The following GRAMD4 variants were observed in gnomAD, a reference collection of about 807,000 sequenced individuals.
The protein encoded by GRAMD4 is GRAM domain containing 4, also known as GRAM domain-containing protein 4.
In GRAMD4, 25 loss-of-function variants were observed where a neutral mutation model predicts 83.9. The ratio of observed to expected loss-of-function variants is 0.30; its 90% CI spans 0.22 to 0.42. The LOEUF is 0.42. Among genes scored for constraint, GRAMD4 ranks in the 10% least tolerant of loss-of-function variants. GRAMD4 has a pLI of 1.00. For synonymous variants in GRAMD4, 336 were observed against 320.9 expected (o/e 1.05, Z -0.50); for missense variants, 593 against 788.7 (o/e 0.75, Z 2.97).
chr22:46,597,001 C>T (rs12484110), intron 1 of GRAMD4, among the ~76,000 whole-genome samples: 1 of 152,092 alleles, frequency 6.6e-6, no homozygotes, highest in Admixed American at 6.5e-5. Context: ...CCCTTCTCAG[C>T]GTCCATCCAT....
chr22:46,623,409 A>G (rs1003750042), intron 1 of GRAMD4, among the ~76,000 whole-genome samples: 2 of 151,884 alleles, frequency 1.3e-5, no homozygotes, highest in Non-Finnish European at 2.9e-5. Flanking sequence ...TTTTTTTGAC[A>G]CAGAGTCTCA....
At chr22:46,663,751 T>C in intron 6 of GRAMD4, 87 bp from the exon 7 acceptor site, 5 of 1,345,958 alleles carry the variant, frequency 3.7e-6, no homozygotes, top group South Asian at 3.5e-5. Context: ...CCCTGGCCCC[T>C]GCAGAGCCAA....
chr22:46,598,427 G>A (rs941701440), intron 1 of GRAMD4, among the ~76,000 whole-genome samples: 3 of 152,196 alleles, frequency 2.0e-5, no homozygotes, highest in African/African-American at 7.2e-5. Flanking sequence ...GCACCTCGGT[G>A]TTTGTTGCCA....
rs1174723087 is a variant in GRAMD4 at position 46,679,093 on chromosome 22, A to C, written c.*1842A>C. Reference sequence around the variant, plus strand: ...GGCAACACAGGGTGGGCACTGACCCACCCCCAGGGGCGGCTGCAGAGGCAG... The same window carrying C: ...GGCAACACAGGGTGGGCACTGACCCCCCCCCAGGGGCGGCTGCAGAGGCAG... On this transcript the variant is annotated 3_prime_UTR_variant, in exon 19 of 19. Coordinates refer to ENST00000406902, the MANE Select transcript of GRAMD4 (RefSeq NM_015124.5). The C allele has an allele frequency of 2.0e-6, 2 of 985,046 alleles. No homozygotes were observed. Among genetic ancestry groups the C allele is most frequent in the Non-Finnish European group, 2.4e-6 (2 of 829,918 alleles). The allele number at this position is 985,046 out of a possible 1,614,324, so 61.0% of individuals were successfully genotyped here. A position where few individuals can be genotyped will look rare whatever the true frequency, so the allele number is the denominator to read the frequency against.
Position 46,670,674 on chromosome 22 carries a change from C to T in GRAMD4, c.1084+1766C>T, listed in dbSNP as rs111226213. Among the ~76,000 whole-genome samples the T allele has an allele frequency of 3.0e-3, 458 of 152,164 alleles. 1 individual carries two copies. Among genetic ancestry groups the T allele is most frequent in the African/African-American group, 4.8e-3 (200 of 41,514 alleles). ...AGGCTGGAGTGCAGTGGCACGATCTCGGCTCACTGCAACCTCCATCCCCTG... is the reference window on the plus strand; with the variant it reads ...AGGCTGGAGTGCAGTGGCACGATCTTGGCTCACTGCAACCTCCATCCCCTG... On this transcript the variant is annotated intron_variant, in intron 13 of 18. Coordinates refer to ENST00000406902, the MANE Select transcript of GRAMD4 (RefSeq NM_015124.5).
upstream of GRAMD4, among the ~76,000 whole-genome samples, chr22:46,619,479 T>C (rs1350480680): frequency 6.6e-6 from 1 of 152,164 alleles, no homozygotes. Context: ...ACTGGGACTG[T>C]AGGCACGTAC....
chr22:46,661,817 G>A (rs1049332036), intron 5 of GRAMD4, among the ~76,000 whole-genome samples: 22 of 152,356 alleles, frequency 1.4e-4, no homozygotes, highest in African/African-American at 5.0e-4. Context: ...TCCCCGAAGG[G>A]GACCAAGTGG....
At chr22:46,594,302 G>A (rs1279672184) in intron 1 of GRAMD4, among the ~76,000 whole-genome samples, 4 of 151,794 alleles carry the variant, frequency 2.6e-5, no homozygotes, top group African/African-American at 9.7e-5. Flanking sequence ...TACCTGCCTG[G>A]TGGGCCCCTC....
At position 46,677,295 on chromosome 22, in the gene GRAMD4, T is replaced by C; in HGVS notation, c.*44T>C. On this transcript the variant is annotated 3_prime_UTR_variant, in exon 19 of 19. Coordinates refer to ENST00000406902, the MANE Select transcript of GRAMD4 (RefSeq NM_015124.5). ...GTTGCTGGAATTTTCTTTTTCTTTT[T>C]CTTTTTCTTTTTTTTTTTTTACGAT... The C allele has an allele frequency of 1.3e-6, 2 of 1,562,220 alleles. No homozygotes were observed. Among genetic ancestry groups the C allele is most frequent in the Non-Finnish European group, 8.6e-7 (1 of 1,163,014 alleles).
At chr22:46,663,891 C>T in intron 7 of GRAMD4, 28 bp downstream of exon 7, 1 of 1,612,134 alleles carries the variant, frequency 6.2e-7, no homozygotes, top group Non-Finnish European at 8.5e-7. Flanking sequence ...TGCGTGGCGC[C>T]CACGATGCTC....
upstream of GRAMD4, among the ~76,000 whole-genome samples, chr22:46,615,411 T>G (rs1374985283): frequency 2.6e-5 from 2 of 76,228 alleles, no homozygotes; most frequent in Non-Finnish European, 5.2e-5. Flanking sequence ...TCTCCTGTGC[T>G]TGTGGGTTCC....
intron 9 of GRAMD4, 45 bp downstream of exon 9, chr22:46,665,751 A>G: frequency 2.0e-6 from 2 of 1,017,194 alleles, no homozygotes; most frequent in African/African-American, 1.6e-5. Context: ...CACCGCATGT[A>G]TGGCTGTGCT....
intron 8 of GRAMD4, among the ~76,000 whole-genome samples, chr22:46,664,501 G>C (rs959575568): frequency 6.6e-6 from 1 of 152,152 alleles, no homozygotes; most frequent in Non-Finnish European, 1.5e-5. Context: ...GGGCATGGCA[G>C]CACGAGGGGC....
chr22:46,664,203 G>T lies in GRAMD4; in HGVS notation c.717+86G>T. ...CATGATCAGGCACCTTCCCAGGGTGGGAGGTGGCCCCCAGGTGGCACTTCC... is the reference window on the plus strand; with the variant it reads ...CATGATCAGGCACCTTCCCAGGGTGTGAGGTGGCCCCCAGGTGGCACTTCC... On this transcript the variant is annotated intron_variant, in intron 8 of 18. Coordinates refer to ENST00000406902, the MANE Select transcript of GRAMD4 (RefSeq NM_015124.5). The T allele has an allele frequency of 6.2e-6, 6 of 967,734 alleles. No homozygotes were observed. The South Asian group carries it at 7.7e-5, about 12-fold the overall frequency. The allele number at this position is 967,734 out of a possible 1,614,324, so 59.9% of individuals were successfully genotyped here.
intron 3 of GRAMD4, among the ~76,000 whole-genome samples, chr22:46,644,541 T>G (rs1356715826): frequency 6.6e-6 from 1 of 152,150 alleles, no homozygotes; most frequent in Non-Finnish European, 1.5e-5. Flanking sequence ...CCTGTCCCTG[T>G]TCTGTGTTAC....
chr22:46,586,121 C>G (rs9616063), intron 1 of GRAMD4, among the ~76,000 whole-genome samples: 74,658 of 151,862 alleles, frequency 0.49, 20,461 homozygotes, highest in African/African-American at 0.75. Context: ...ACCTAGAGCA[C>G]AGCCCGGGGA....
intron 1 of GRAMD4, among the ~76,000 whole-genome samples, chr22:46,585,597 T>C (rs1316948395): frequency 6.6e-6 from 1 of 152,218 alleles, no homozygotes; most frequent in Non-Finnish European, 1.5e-5. Context: ...TTCACCCTTG[T>C]GTTCGCGGTC....
At position 46,678,197 on chromosome 22, in the gene GRAMD4, G is replaced by T. The variant is rs972753294; in HGVS notation, c.*946G>T. 2 of 985,328 alleles carry T rather than the reference G, an allele frequency of 2.0e-6. No individual in the cohort carries two copies. The highest frequency in any genetic ancestry group is 2.4e-6 in the Non-Finnish European group (2 of 829,804). The allele number at this position is 985,328 out of a possible 1,614,324, so 61.0% of individuals were successfully genotyped here. Reference sequence around the variant, plus strand: ...TTGCCTGGGTTGGTTGGGGGAGGAAGTGGGGAGGAGTGTTCCGGGACCATG... The same window carrying T: ...TTGCCTGGGTTGGTTGGGGGAGGAATTGGGGAGGAGTGTTCCGGGACCATG... On this transcript the variant is annotated 3_prime_UTR_variant, in exon 19 of 19. Coordinates refer to ENST00000406902, the MANE Select transcript of GRAMD4 (RefSeq NM_015124.5).
chr22:46,590,979 G>A (rs1416493728), intron 1 of GRAMD4, among the ~76,000 whole-genome samples: 1 of 152,116 alleles, frequency 6.6e-6, no homozygotes, highest in African/African-American at 2.4e-5. Flanking sequence ...AAAATTGCAC[G>A]AACCTGGGAG....
Sources: gnomAD v4.1 joint callset for allele counts (sites outside exome capture counted in the v4.1 genomes callset) on GRCh38, gnomAD v4.1.1 for gene constraint, MANE v1.5 for transcripts, NCBI Gene and HGNC (gene_info 2026-07-23, HGNC 2026-07-21) for gene names.